KCNMA1: variants seen among roughly 807,000 people sequenced by gnomAD.
KCNMA1 encodes Calcium-activated potassium channel subunit alpha-1.
KCNMA1 carries 29 observed loss-of-function variants against 140.0 expected under a neutral mutation model. The observed-to-expected ratio is 0.21, with a 90% confidence interval of 0.15 to 0.28. The LOEUF is 0.28. KCNMA1 is among the 10% of genes least tolerant of loss of function. The pLI, the probability that KCNMA1 is intolerant of heterozygous loss-of-function variation, is 1.00. For synonymous variants in KCNMA1, 612 were observed against 611.9 expected, an observed-to-expected ratio of 1.00 and a Z score of 0.00; for missense variants, 880 against 1,602.2, an observed-to-expected ratio of 0.55 and a Z score of 7.70.
chr10:77,140,099 C>T (rs1047354255), intron 5 of KCNMA1, among the ~76,000 whole-genome samples: 3 of 152,134 alleles, frequency 2.0e-5, no homozygotes, highest in Admixed American at 1.3e-4. Context: ...AAAGGAAGGA[C>T]GAGATTTCTG....
intron 1 of KCNMA1, among the ~76,000 whole-genome samples, chr10:77,415,200 G>A (rs941423433): frequency 6.6e-6 from 1 of 152,160 alleles, no homozygotes; most frequent in Non-Finnish European, 1.5e-5. Flanking sequence ...AATTAGTAAG[G>A]CAACCTCCAA....
chr10:77,359,410 C>G (rs1374035409), intron 2 of KCNMA1, among the ~76,000 whole-genome samples: 2 of 152,138 alleles, frequency 1.3e-5, no homozygotes, highest in African/African-American at 4.8e-5. Context: ...ACAGATGTCT[C>G]TCTGCTTTAT....
intron 19 of KCNMA1, among the ~76,000 whole-genome samples, chr10:76,992,297 T>C (rs1239101950): frequency 1.3e-5 from 2 of 152,174 alleles, no homozygotes; most frequent in Non-Finnish European, 2.9e-5. Flanking sequence ...AGAATAAAAA[T>C]CTGTGGGCAT....
chr10:77,491,402 T>C (rs2039797524), intron 1 of KCNMA1, among the ~76,000 whole-genome samples: 1 of 152,106 alleles, frequency 6.6e-6, no homozygotes, highest in African/African-American at 2.4e-5. Context: ...CAGTTTCCCC[T>C]CGGACAGCAT....
Position 76,907,170 on chromosome 10 carries a change from G to C in KCNMA1, c.3147+2796C>G, listed in dbSNP as rs549209074. ...CCCTTTTATCCTAGGCTAGAATGCA[G>C]AAGACATGCTGCTCCCATACTATTG... On this transcript the variant is annotated intron_variant, in intron 25 of 27. Coordinates refer to ENST00000286628, the MANE Select transcript of KCNMA1 (RefSeq NM_001161352.2). 2.6e-5 allele frequency among the ~76,000 whole-genome samples: 4 copies of C among 152,314 alleles called. No homozygotes were observed. In the South Asian group the frequency reaches 8.3e-4, roughly 32 times the overall value.
At chr10:77,376,974 T>TACATACATACATACAC (rs1343408869) in intron 2 of KCNMA1, among the ~76,000 whole-genome samples, 5 of 151,976 alleles carry the variant, frequency 3.3e-5, no homozygotes, top group Non-Finnish European at 7.4e-5. Flanking sequence ...CATACATACA[T>TACATACATACATACAC]ACATACATAC....
intron 5 of KCNMA1, among the ~76,000 whole-genome samples, chr10:77,154,311 T>C (rs879424564): frequency 8.5e-5 from 13 of 152,102 alleles, no homozygotes; most frequent in Non-Finnish European, 1.9e-4. Context: ...GATTCCTTCA[T>C]AGTAGTGTAA....
At chr10:77,287,714 A>G (rs771885282) in intron 2 of KCNMA1, among the ~76,000 whole-genome samples, 2 of 152,174 alleles carry the variant, frequency 1.3e-5, no homozygotes, top group Non-Finnish European at 2.9e-5. Flanking sequence ...GCTGAGCACC[A>G]AGACACATGT....
chr10:77,079,367 A>AGTGTGT (rs1395210317), intron 13 of KCNMA1, 114 bp downstream of exon 13: 7 of 379,262 alleles, frequency 1.8e-5, no homozygotes, highest in Non-Finnish European at 3.5e-5. Context: ...TGGGCATGTG[A>AGTGTGT]GAGTGTGTGT....
At chr10:77,482,417 A>G (rs948806853) in intron 1 of KCNMA1, among the ~76,000 whole-genome samples, 1 of 152,222 alleles carries the variant, frequency 6.6e-6, no homozygotes, top group Non-Finnish European at 1.5e-5. Context: ...AAAATCAGAA[A>G]GGAACCCAGA....
In KCNMA1 at chr10:76,887,213, CTG is replaced by C; in HGVS notation, c.*51_*52del. 1 of 1,613,554 alleles carries C rather than the reference CTG, an allele frequency of 6.2e-7. No homozygotes were observed. On this transcript the variant is annotated 3_prime_UTR_variant, in exon 28 of 28. Coordinates refer to ENST00000286628, the MANE Select transcript of KCNMA1 (RefSeq NM_001161352.2). ...AAAGTTACTTTGTTGGAAACACCAA[CTG>C]GGGAAATGAGTGGCAGATACAGTTT...
intron 20 of KCNMA1, among the ~76,000 whole-genome samples, chr10:76,960,225 G>A (rs560574998): frequency 2.9e-3 from 438 of 152,296 alleles, no homozygotes; most frequent in Non-Finnish European, 5.8e-3. Context: ...TAGAAATTCA[G>A]TGTGCCTAAA....
At chr10:77,593,021 T>G (rs1358315260) in intron 1 of KCNMA1, among the ~76,000 whole-genome samples, 1 of 152,196 alleles carries the variant, frequency 6.6e-6, no homozygotes, top group Non-Finnish European at 1.5e-5. Flanking sequence ...TACTTTCTCC[T>G]CTCTTTGACC....
chr10:76,974,393 G>A (rs1435339188), intron 19 of KCNMA1: 10 of 727,454 alleles, frequency 1.4e-5, no homozygotes, highest in East Asian at 5.6e-5. Flanking sequence ...GTAGTGCATC[G>A]CTCTTCTTCA....
At position 76,885,791 on chromosome 10, in the gene KCNMA1, A is replaced by G; in HGVS notation, c.*1475T>C. On this transcript the variant is annotated 3_prime_UTR_variant, in exon 28 of 28. Transcript: ENST00000286628. ...AAAGCATCTGACAACTATATGTTGA[A>G]AAAAGGGTATTTTTCTACCTCTCCT... The G allele has an allele frequency of 1.0e-6, 1 of 985,262 alleles. No homozygotes were observed. The highest frequency in any genetic ancestry group is 1.2e-6 in the Non-Finnish European group (1 of 829,782). 61.0% of individuals were successfully genotyped at this position (985,262 alleles called of 1,614,324 possible).
chr10:76,945,029 G>C, intron 22 of KCNMA1, 64 bp from the exon 23 acceptor site: 1 of 1,385,916 alleles, frequency 7.2e-7, no homozygotes, highest in Non-Finnish European at 1.0e-6. Flanking sequence ...GAGAGAGAGA[G>C]AGGAGCAAAA....
intron 1 of KCNMA1, among the ~76,000 whole-genome samples, chr10:77,622,608 T>C (rs1181477117): frequency 6.6e-6 from 1 of 152,162 alleles, no homozygotes; most frequent in Non-Finnish European, 1.5e-5. Flanking sequence ...AAGTTTGTTA[T>C]CCAAAAAAAG....
chr10:76,899,023 G>T (rs2043881594), intron 25 of KCNMA1, among the ~76,000 whole-genome samples: 1 of 151,920 alleles, frequency 6.6e-6, no homozygotes, highest in Non-Finnish European at 1.5e-5. Flanking sequence ...CAGATACATA[G>T]GAGAATTAAC....
chr10:77,030,185 G>A (rs948798532), intron 15 of KCNMA1, among the ~76,000 whole-genome samples: 8 of 152,124 alleles, frequency 5.3e-5, no homozygotes, highest in African/African-American at 1.9e-4. Context: ...TGATTTGCAG[G>A]TTTTCTGATT....
Sources: allele counts gnomAD v4.1 joint callset (sites outside exome capture counted in the v4.1 genomes callset), GRCh38; gene constraint gnomAD v4.1.1; transcripts MANE v1.5; gene names NCBI Gene and HGNC (gene_info 2026-07-23, HGNC 2026-07-21).